Variants in UBE4B observed in about 807,000 individuals in gnomAD.
UBE4B encodes the protein ubiquitin conjugation factor E4 B.
In UBE4B, 27 loss-of-function variants were observed where a neutral mutation model predicts 148.1. The ratio of observed to expected loss-of-function variants is 0.18; its 90% CI spans 0.13 to 0.25. UBE4B has a LOEUF of 0.25. UBE4B is among the 10% of genes least tolerant of loss of function. The probability of loss-of-function intolerance (pLI) is 1.00; values close to 1 mark genes in which losing one functional copy is unlikely to be tolerated. For synonymous variants in UBE4B, 596 were observed against 619.3 expected (o/e 0.96, Z 0.56); for missense variants, 1,170 against 1,662.4 (o/e 0.70, Z 5.15).
At chr1:10,049,395 G>C (rs903539352) in intron 1 of UBE4B, among the ~76,000 whole-genome samples, 1 of 152,062 alleles carries the variant, frequency 6.6e-6, no homozygotes, top group African/African-American at 2.4e-5. Context: ...GGGGAATGTA[G>C]GGAGGGGACT....
chr1:10,035,783 C>A (rs966343014), intron 1 of UBE4B, among the ~76,000 whole-genome samples: 1 of 150,110 alleles, frequency 6.7e-6, no homozygotes, highest in East Asian at 2.0e-4. Context: ...CGCTCTGTTG[C>A]CCAGGCTAGA....
chr1:10,127,662 A>G (rs985891859), intron 11 of UBE4B, among the ~76,000 whole-genome samples: 1 of 152,182 alleles, frequency 6.6e-6, no homozygotes, highest in African/African-American at 2.4e-5. Flanking sequence ...TGTTTTTCTT[A>G]CTGTATTTAT....
At chr1:10,098,620 G>A (rs888733535) in intron 3 of UBE4B, among the ~76,000 whole-genome samples, 2 of 152,172 alleles carry the variant, frequency 1.3e-5, no homozygotes, top group Non-Finnish European at 2.9e-5. Flanking sequence ...ATTGCAGATG[G>A]CATAGATTAA....
At chr1:10,074,562 C>T (rs1414535345) in intron 2 of UBE4B, among the ~76,000 whole-genome samples, 1 of 152,144 alleles carries the variant, frequency 6.6e-6, no homozygotes, top group East Asian at 1.9e-4. Flanking sequence ...CGAGGGTTCC[C>T]GTGGTTGCTC....
chr1:10,081,778 G>A (rs1376688713), intron 2 of UBE4B, among the ~76,000 whole-genome samples: 4 of 151,856 alleles, frequency 2.6e-5, no homozygotes, highest in Non-Finnish European at 5.9e-5. Flanking sequence ...TAGTAGAGAC[G>A]AGGTTTCACC....
intron 11 of UBE4B, among the ~76,000 whole-genome samples, chr1:10,127,139 A>G (rs1645513280): frequency 6.6e-6 from 1 of 152,152 alleles, no homozygotes; most frequent in Non-Finnish European, 1.5e-5. Flanking sequence ...TGTATAGCTT[A>G]TGAAAAAGAT....
chr1:10,170,583 T>C (rs1350976589), intron 24 of UBE4B, among the ~76,000 whole-genome samples: 3 of 152,260 alleles, frequency 2.0e-5, no homozygotes, highest in East Asian at 3.8e-4. Context: ...CATTTAAGTT[T>C]ACTCTGTCTC....
Position 10,106,789 on chromosome 1 carries a change from C to G in UBE4B, c.1196+206C>G, listed in dbSNP as rs938496444. Among the ~76,000 whole-genome samples, 1 of 152,186 alleles carries G rather than the reference C, an allele frequency of 6.6e-6. No individual in the cohort carries two copies. The highest frequency in any genetic ancestry group is 1.9e-4 in the East Asian group (1 of 5,208). ...ATCATGCTGGAAAGTTTGGGTTGCT[C>G]TATTCTATTGTGAATCCCTTTCTTC... On this transcript the variant is annotated intron_variant, in intron 7 of 27. Coordinates refer to ENST00000343090, the MANE Select transcript of UBE4B (RefSeq NM_001105562.3). This position sits in a 1 kb window ranked among gnomAD's most constrained non-coding sequence, Gnocchi z 4.2.
chr1:10,154,304 G>T (rs1320370834), intron 21 of UBE4B, among the ~76,000 whole-genome samples: 1 of 152,054 alleles, frequency 6.6e-6, no homozygotes, highest in Non-Finnish European at 1.5e-5. Flanking sequence ...TGTAATCCCA[G>T]CAACTTGAGA....
intron 1 of UBE4B, among the ~76,000 whole-genome samples, chr1:10,065,424 G>T (rs568929990): frequency 1.3e-5 from 2 of 152,178 alleles, no homozygotes; most frequent in Non-Finnish European, 2.9e-5. Flanking sequence ...AGAGGAGACC[G>T]CTGTACTTCA....
chr1:10,103,130 C>G, intron 5 of UBE4B, 38 bp downstream of exon 5: 8 of 1,538,140 alleles, frequency 5.2e-6, no homozygotes, highest in Non-Finnish European at 7.0e-6. Context: ...GCAGAGTACT[C>G]GACAAGAAAA....
intron 11 of UBE4B, chr1:10,128,745 C>T (rs967874192): frequency 2.6e-5 from 4 of 152,276 alleles, no homozygotes; most frequent in African/African-American, 7.2e-5. Flanking sequence ...GAGCTGCGTC[C>T]GAATCACAGA....
chr1:10,150,647 G>A (rs998006104), intron 20 of UBE4B, among the ~76,000 whole-genome samples: 7 of 152,068 alleles, frequency 4.6e-5, no homozygotes, highest in African/African-American at 1.7e-4. Flanking sequence ...AAATCACGAG[G>A]TCAAAAGATC....
chr1:10,043,916 G>A (rs1001314207), intron 1 of UBE4B, among the ~76,000 whole-genome samples: 3 of 152,204 alleles, frequency 2.0e-5, no homozygotes, highest in Non-Finnish European at 4.4e-5. Context: ...CTTAGATTCA[G>A]CAATGAAAGC....
At position 10,172,187 on chromosome 1, in the gene UBE4B, C is replaced by T. The variant is rs185283937; in HGVS notation, c.3525+858C>T. On this transcript the variant is annotated intron_variant, in intron 25 of 27. Transcript: ENST00000343090. ...GATCTGTCTGTGTGTGCTTCATTTC[C>T]ACAGCCACCGATTTAGGCTAAGCTG... Among the ~76,000 whole-genome samples the T allele has an allele frequency of 2.0e-5, 3 of 152,266 alleles. No individual in the cohort carries two copies. In the East Asian group the frequency reaches 5.8e-4, roughly 29 times the overall value.
intron 17 of UBE4B, among the ~76,000 whole-genome samples, chr1:10,143,049 A>C (rs984307632): frequency 3.9e-5 from 6 of 152,176 alleles, no homozygotes; most frequent in Non-Finnish European, 8.8e-5. Context: ...TAGAGGTTGC[A>C]ATGAGCTGAG....
At chr1:10,094,203 G>A (rs72861436) in intron 2 of UBE4B, among the ~76,000 whole-genome samples, 4 of 152,096 alleles carry the variant, frequency 2.6e-5, no homozygotes, top group African/African-American at 4.8e-5. Flanking sequence ...CCCTGTACTA[G>A]TGACTACAGT....
chr1:10,117,622 T>TA (rs77011101), intron 8 of UBE4B, 22 bp downstream of exon 8: 23,403 of 1,117,204 alleles, frequency 0.021, 1 homozygote, highest in South Asian at 0.027. Context: ...TGGATTAACT[T>TA]AAAAAAAAAA....
chr1:10,090,671 C>T (rs903976096), intron 2 of UBE4B, among the ~76,000 whole-genome samples: 4 of 152,112 alleles, frequency 2.6e-5, no homozygotes, highest in Admixed American at 6.6e-5. Flanking sequence ...CCTCTTGCCT[C>T]GACCGCCCAA....
Sources: gnomAD v4.1 joint callset for allele counts (sites outside exome capture counted in the v4.1 genomes callset) on GRCh38, gnomAD v4.1.1 for gene constraint, Gnocchi (gnomAD v3.1) non-coding constraint, MANE v1.5 for transcripts, NCBI Gene and HGNC (gene_info 2026-07-23, HGNC 2026-07-21) for gene names.